Variants in VAMP1 observed in about 807,000 individuals in gnomAD.
VAMP1 encodes the protein vesicle associated membrane protein 1.
A neutral mutation model predicts 19.1 loss-of-function variants in VAMP1; 16 were observed. That is an observed-to-expected ratio of 0.84 (90% CI 0.57 to 1.27). The LOEUF (loss-of-function observed/expected upper bound fraction) is 1.27. Among genes scored for constraint, VAMP1 ranks in the 50% most tolerant of loss-of-function variants. The probability of loss-of-function intolerance (pLI) is 0.00; values close to 1 mark genes in which losing one functional copy is unlikely to be tolerated. For synonymous variants in VAMP1, 37 were observed against 50.2 expected (o/e 0.74, Z 1.11); for missense variants, 109 against 145.4 (o/e 0.75, Z 1.29).
In VAMP1 at chr12:6,462,825, C is replaced by T. The variant is rs1949914810; in HGVS notation, c.*1645G>A. 1 of 1,604,818 alleles carries T rather than the reference C, an allele frequency of 6.2e-7. No homozygotes were observed. On this transcript the variant is annotated 3_prime_UTR_variant, in exon 5 of 5. Transcript: ENST00000396308. The stretch of plus-strand genomic sequence containing the variant: ...TGGGAGGGTACTGACTGCTTTCTTC[C>T]AGCTCTTCAGTCCCGCCCTTGGGCA...
intron 1 of VAMP1, chr12:6,466,604 T>C (rs1469033310): frequency 3.2e-6 from 1 of 315,356 alleles, no homozygotes; most frequent in Admixed American, 4.9e-5. Flanking sequence ...AAAACTAGAA[T>C]GGATTCTTGC....
At chr12:6,466,074 A>G in intron 2 of VAMP1, 74 bp from the exon 3 acceptor site, 1 of 1,612,050 alleles carries the variant, frequency 6.2e-7, no homozygotes, top group Admixed American at 1.7e-5. Flanking sequence ...CCAGAGAATC[A>G]CAAGTCTGGC....
Position 6,462,841 on chromosome 12 carries a change from C to A in VAMP1, c.*1629G>T. On this transcript the variant is annotated 3_prime_UTR_variant, in exon 5 of 5. Coordinates refer to ENST00000396308, the MANE Select transcript of VAMP1 (RefSeq NM_014231.5). ...GCTTTCTTCCAGCTCTTCAGTCCCG[C>A]CCTTGGGCAGGACGAAGGGAATGTG... 1 of 1,606,702 alleles carries A rather than the reference C, an allele frequency of 6.2e-7. No homozygotes were observed. The highest frequency in any genetic ancestry group is 1.3e-5 in the African/African-American group (1 of 74,938).
rs1281198425 is a variant in VAMP1, at chr12:6,463,755, G to A, written c.*715C>T. ...AAGAAGAGAAAGCTCCTTCCAGCTA[G>A]AAGCACATGGGACTGCTTCTAGGAT... On this transcript the variant is annotated 3_prime_UTR_variant, in exon 5 of 5. Transcript: ENST00000396308. The surrounding 1 kb of genome is among the most constrained non-coding windows in gnomAD (Gnocchi z 4.0). 1.7e-6 allele frequency: 2 copies of A among 1,161,924 alleles called. No homozygotes were observed. The highest frequency in any genetic ancestry group is 4.2e-5 in the Admixed American group (1 of 24,024). The allele number at this position is 1,161,924 out of a possible 1,614,324, so 72.0% of individuals were successfully genotyped here.
At chr12:6,465,432 GTAT>G (rs1949994644) in intron 3 of VAMP1, 1 of 117,896 alleles carries the variant, frequency 8.5e-6, no homozygotes, top group Non-Finnish European at 1.6e-5. Context: ...ATATATAAAT[GTAT>G]ATATATGTAT....
chr12:6,466,943 T>G (rs900112238), intron 1 of VAMP1: 5 of 153,868 alleles, frequency 3.2e-5, no homozygotes, highest in African/African-American at 1.2e-4. Context: ...GGCCCATCTT[T>G]CCGGTGCTAT....
chr12:6,466,334 G>A lies in VAMP1; in HGVS notation c.20C>T (p.Pro7Leu), dbSNP rs1242930365. The part of the protein sequence containing the change: MSAPAQ[P>L]PAEGTEGTAP... The stretch of plus-strand genomic sequence containing the variant: ...AGTCCCTTCTGTCCCTTCAGCAGGT[G>A]GCTGAGCTGGAGCAGACCTGTGGAA... The change falls in exon 2 of 5, where the codon CCA becomes CTA. Residue 7 changes from proline (P) to leucine (L), a missense_variant. Pro to Leu is a moderately conservative substitution (Grantham distance 98). Transcript: ENST00000396308. 4.3e-6 allele frequency: 7 copies of A among 1,613,658 alleles called. No homozygotes were observed. Among genetic ancestry groups the A allele is most frequent in the African/African-American group, 1.3e-5 (1 of 74,914 alleles).
intron 3 of VAMP1, chr12:6,465,468 TGTGTG>T (rs1949999974): frequency 7.8e-5 from 6 of 77,294 alleles, no homozygotes; most frequent in Admixed American, 6.9e-4. Context: ...GTATATATAG[TGTGTG>T]TGTGTGTGTG....
intron 1 of VAMP1, 148 bp downstream of exon 1, chr12:6,470,382 G>A (rs1565529607): frequency 8.3e-7 from 1 of 1,209,502 alleles, no homozygotes; most frequent in Non-Finnish European, 1.2e-6. Context: ...CCCTCCCTGG[G>A]GGTGGCCCGG....
Position 6,470,541 on chromosome 12 carries a change from A to T in VAMP1, c.-10T>A. On this transcript the variant is annotated 5_prime_UTR_variant, in exon 1 of 5. Transcript: ENST00000396308. ...CAGAGTCAACTCACATTTTTCTGAC[A>T]GAGAGAGTGAGGGTCTGTTCCTCTC... is the stretch of plus-strand genomic sequence containing the variant. 6.2e-7 allele frequency: 1 copy of T among 1,613,996 alleles called. No homozygotes were observed. The highest frequency in any genetic ancestry group is 8.5e-7 in the Non-Finnish European group (1 of 1,179,882).
At position 6,464,893 on chromosome 12, in the gene VAMP1, C is replaced by T. The variant is rs1008778673; in HGVS notation, c.337G>A (p.Val113Ile). The T allele has an allele frequency of 6.2e-7, 1 of 1,614,058 alleles. No homozygotes were observed. Among genetic ancestry groups the T allele is most frequent in the South Asian group, 1.1e-5 (1 of 91,080 alleles). ...AICAIIVVVI[V>I]IYFFT ...CAGCAACTTCAGCGATACTTACTTA[C>T]AATAACTACCACGATGATGGCACAG... The change falls in exon 4 of 5, where the codon GTA (valine) becomes ATA (isoleucine). Residue 113 changes from valine (V) to isoleucine (I), a missense_variant. By Grantham distance (29) the Val-to-Ile change is conservative. Transcript: ENST00000396308.
intron 3 of VAMP1, chr12:6,465,353 AAAAAG>A (rs1401728731): frequency 1.2e-5 from 3 of 244,510 alleles, no homozygotes; most frequent in Middle Eastern, 1.1e-3. Flanking sequence ...AAGAAAAAGA[AAAAAG>A]TATATATATA....
intron 3 of VAMP1, chr12:6,465,357 AG>A (rs1949977019): frequency 4.7e-6 from 1 of 214,354 alleles, no homozygotes. Context: ...AAAAGAAAAA[AG>A]TATATATATA....
chr12:6,468,222 C>A (rs1220997585), intron 1 of VAMP1, among the ~76,000 whole-genome samples: 1 of 152,232 alleles, frequency 6.6e-6, no homozygotes, highest in Non-Finnish European at 1.5e-5. Context: ...GTGAAGGGAG[C>A]CAGGAGGGAG....
In VAMP1 at chr12:6,462,991, A is replaced by G; in HGVS notation, c.*1479T>C. 2 of 1,550,652 alleles carry G rather than the reference A, an allele frequency of 1.3e-6. No individual in the cohort carries two copies. The highest frequency in any genetic ancestry group is 8.7e-7 in the Non-Finnish European group (1 of 1,147,022). On this transcript the variant is annotated 3_prime_UTR_variant, in exon 5 of 5. Transcript: ENST00000396308. ...CTTCCTGTTCGTGGACCGAGGGAAG[A>G]AGGAATAAAGGGCCATGGGCATTCT...
chr12:6,468,842 T>C (rs1176992538), intron 1 of VAMP1, among the ~76,000 whole-genome samples: 1 of 151,984 alleles, frequency 6.6e-6, no homozygotes, highest in African/African-American at 2.4e-5. Context: ...AGGGGGGAGA[T>C]CTCTCAAATT....
intron 3 of VAMP1, 35 bp downstream of exon 3, chr12:6,465,807 C>T (rs762559927): frequency 1.2e-6 from 2 of 1,610,702 alleles, no homozygotes; most frequent in Non-Finnish European, 1.7e-6. Context: ...AGTGGAAGCC[C>T]AGGAAAAGAT....
Position 6,462,531 on chromosome 12 carries a change from CAG to C in VAMP1, c.*1937_*1938del, listed in dbSNP as rs1565522850. On this transcript the variant is annotated 3_prime_UTR_variant, in exon 5 of 5. Coordinates refer to ENST00000396308, the MANE Select transcript of VAMP1 (RefSeq NM_014231.5). ...GGGTGGTGGGAGGAAAGGGGGATAG[CAG>C]AGACACACAGAAGAGGGTACAGGGT... 2.0e-6 allele frequency: 1 copy of C among 509,394 alleles called. No homozygotes were observed. Among genetic ancestry groups the C allele is most frequent in the Non-Finnish European group, 3.5e-6 (1 of 287,864 alleles). The allele number at this position is 509,394 out of a possible 1,614,324, so 31.6% of individuals were successfully genotyped here.
chr12:6,462,624 T>G lies in VAMP1; in HGVS notation c.*1846A>C, dbSNP rs985217638. The G allele has an allele frequency of 1.6e-6, 1 of 637,246 alleles. No homozygotes were observed. Among genetic ancestry groups the G allele is most frequent in the Non-Finnish European group, 2.7e-6 (1 of 369,404 alleles). 39.5% of individuals were successfully genotyped at this position (637,246 alleles called of 1,614,324 possible). On this transcript the variant is annotated 3_prime_UTR_variant, in exon 5 of 5. Transcript: ENST00000396308. ...CAAGGCCAACTACACCTGGTGAGCC[T>G]CAGAGGGACAGAAACCCAGGAATGA...
Sources: allele counts gnomAD v4.1 joint callset (sites outside exome capture counted in the v4.1 genomes callset), GRCh38; gene constraint gnomAD v4.1.1; non-coding constraint Gnocchi (gnomAD v3.1); transcripts MANE v1.5; gene names NCBI Gene and HGNC (gene_info 2026-07-23, HGNC 2026-07-21).